RYR3: variants seen among roughly 807,000 people sequenced by gnomAD.
RYR3 encodes brain ryanodine receptor-calcium release channel.
In RYR3, 207 loss-of-function variants were observed where a neutral mutation model predicts 584.3. The ratio of observed to expected loss-of-function variants is 0.35; its 90% CI spans 0.32 to 0.40. The LOEUF (loss-of-function observed/expected upper bound fraction) is 0.40, where lower values mean the gene tolerates loss of function less well. RYR3 is among the 10% of genes least tolerant of loss of function. The pLI, the probability that RYR3 is intolerant of heterozygous loss-of-function variation, is 1.00. For synonymous variants in RYR3, 2,416 were observed against 2,248.5 expected (o/e 1.07, Z -2.11); for missense variants, 5,616 against 6,089.2 (o/e 0.92, Z 2.59).
intron 65 of RYR3, among the ~76,000 whole-genome samples, chr15:33,782,589 G>A (rs1309538250): frequency 6.6e-6 from 1 of 152,176 alleles, no homozygotes; most frequent in African/African-American, 2.4e-5. Flanking sequence ...GGCTTAATGA[G>A]CTGTAAGAAG....
chr15:33,474,315 G>A (rs74348990), intron 2 of RYR3, among the ~76,000 whole-genome samples: 1 of 151,998 alleles, frequency 6.6e-6, no homozygotes, highest in Admixed American at 6.6e-5. Context: ...GTATATAAGT[G>A]TATAGAGATT....
intron 69 of RYR3, among the ~76,000 whole-genome samples, chr15:33,805,720 G>A (rs147627707): frequency 0.099 from 15,015 of 150,986 alleles, 1,746 homozygotes; most frequent in African/African-American, 0.26. Context: ...GTCATGATCC[G>A]CCCGCCTCGG....
chr15:33,401,799 T>G (rs1045452908), intron 1 of RYR3, among the ~76,000 whole-genome samples: 1 of 152,192 alleles, frequency 6.6e-6, no homozygotes, highest in African/African-American at 2.4e-5. Flanking sequence ...ACAATCTCTC[T>G]TTTTCTCAAA....
chr15:33,850,790 T>G (rs531872947), intron 94 of RYR3: 1 of 152,322 alleles, frequency 6.6e-6, no homozygotes, highest in South Asian at 2.1e-4. Context: ...ATCCCCTGTA[T>G]TATCCTCCCT....
At chr15:33,850,236 C>G (rs1310519346) in intron 94 of RYR3, 1 of 152,188 alleles carries the variant, frequency 6.6e-6, no homozygotes, top group South Asian at 2.1e-4. Context: ...AAAAAATTAG[C>G]TGAGCGTGGT....
At chr15:33,561,247 A>C (rs118057011) in intron 10 of RYR3, among the ~76,000 whole-genome samples, 1 of 152,260 alleles carries the variant, frequency 6.6e-6, no homozygotes, top group East Asian at 1.9e-4. Context: ...CGTATAGACA[A>C]ACACATTTTA....
intron 90 of RYR3, 44 bp from the exon 91 acceptor site, chr15:33,841,810 TGGGCCAGACC>T: frequency 6.5e-7 from 1 of 1,529,250 alleles, no homozygotes; most frequent in African/African-American, 1.4e-5. Flanking sequence ...TCTCCCTTTT[TGGGCCAGACC>T]GCCCTCCCGT....
At chr15:33,800,634 C>T (rs1431298389) in intron 67 of RYR3, 136 bp from the exon 68 acceptor site, 1 of 622,072 alleles carries the variant, frequency 1.6e-6, no homozygotes, top group Non-Finnish European at 2.9e-6. Flanking sequence ...TTTAGTCTCC[C>T]TGATTATTGC....
At position 33,865,400 on chromosome 15, in the gene RYR3, A is replaced by ATGGACATACACTGTGGGAGAGAACC. The variant is rs1890167140; in HGVS notation, c.*177_*201dup. ...AAATTGATTTGGCTTTTTGTGCCTA[A>ATGGACATACACTGTGGGAGAGAACC]TGGACATACACTGTGGGAGAGAACC... On this transcript the variant is annotated 3_prime_UTR_variant, in exon 104 of 104. Transcript: ENST00000634891. 2.7e-5 allele frequency: 16 copies of ATGGACATACACTGTGGGAGAGAACC among 587,310 alleles called. No homozygotes were observed. The South Asian group carries it at 3.5e-4, about 13-fold the overall frequency. 36.4% of individuals were successfully genotyped at this position (587,310 alleles called of 1,614,324 possible).
chr15:33,406,652 C>T lies in RYR3; in HGVS notation c.52-66767C>T, dbSNP rs116515789. 4.3e-3 allele frequency among the ~76,000 whole-genome samples: 661 copies of T among 152,334 alleles called. 5 individuals carry two copies. The highest frequency in any genetic ancestry group is 0.015 in the African/African-American group (629 of 41,574). On this transcript the variant is annotated intron_variant, in intron 1 of 103. Coordinates refer to ENST00000634891, the MANE Select transcript of RYR3 (RefSeq NM_001036.6). The stretch of plus-strand genomic sequence containing the variant: ...AAGCCACTTAGTTGGTTTTGGGATA[C>T]AGGCTGAAGCCTTGTGTTCTGTATG...
intron 1 of RYR3, among the ~76,000 whole-genome samples, chr15:33,369,085 A>G (rs8032622): frequency 0.079 from 11,962 of 152,202 alleles, 505 homozygotes; most frequent in Non-Finnish European, 0.099. Context: ...TTAAACATTT[A>G]TATTTTATAA....
At chr15:33,721,939 A>C (rs1278944486) in intron 43 of RYR3, among the ~76,000 whole-genome samples, 1 of 152,234 alleles carries the variant, frequency 6.6e-6, no homozygotes, top group Non-Finnish European at 1.5e-5. Context: ...CAAATGCCAC[A>C]GAATACAATT....
chr15:33,340,289 G>A (rs1363271308), intron 1 of RYR3, among the ~76,000 whole-genome samples: 3 of 152,184 alleles, frequency 2.0e-5, no homozygotes, highest in Non-Finnish European at 4.4e-5. Flanking sequence ...AGGGGCTCCA[G>A]GATGTGCTCT....
At chr15:33,799,252 T>G (rs1359733925) in intron 67 of RYR3, among the ~76,000 whole-genome samples, 2 of 152,222 alleles carry the variant, frequency 1.3e-5, no homozygotes, top group African/African-American at 2.4e-5. Context: ...TTTATTCTAA[T>G]GAGGTGACTC....
chr15:33,853,404 G>A, intron 95 of RYR3, 151 bp from the exon 96 acceptor site: 1 of 1,041,136 alleles, frequency 9.6e-7, no homozygotes. Flanking sequence ...TTTTTTCTCT[G>A]GGTTTTCTCT....
chr15:33,806,920 A>ATTTTTT (rs35069939), intron 69 of RYR3, among the ~76,000 whole-genome samples: 5 of 141,432 alleles, frequency 3.5e-5, no homozygotes, highest in East Asian at 2.1e-4. Context: ...ACCCAGCTGA[A>ATTTTTT]TTTTTTTTTT....
intron 1 of RYR3, among the ~76,000 whole-genome samples, chr15:33,460,288 CT>C (rs1244798035): frequency 6.6e-6 from 1 of 152,226 alleles, no homozygotes; most frequent in Non-Finnish European, 1.5e-5. Flanking sequence ...AGCCTTCGGG[CT>C]GCAATGCCCG....
chr15:33,337,887 A>T (rs907450174), intron 1 of RYR3, among the ~76,000 whole-genome samples: 1 of 149,170 alleles, frequency 6.7e-6, no homozygotes, highest in African/African-American at 2.5e-5. Context: ...CATTATACAT[A>T]TGTCAGTAGA....
intron 60 of RYR3, among the ~76,000 whole-genome samples, chr15:33,763,601 A>G (rs1233334236): frequency 6.6e-6 from 1 of 152,126 alleles, no homozygotes; most frequent in East Asian, 1.9e-4. Context: ...TGATGATTAA[A>G]AAGTCGGGAG....
Sources: gnomAD v4.1 joint callset for allele counts (sites outside exome capture counted in the v4.1 genomes callset) on GRCh38, gnomAD v4.1.1 for gene constraint, MANE v1.5 for transcripts, NCBI Gene and HGNC (gene_info 2026-07-23, HGNC 2026-07-21) for gene names.